The following TGM4 variants were observed in gnomAD, a reference collection of about 807,000 sequenced individuals.
The protein encoded by TGM4 is protein-glutamine gamma-glutamyltransferase 4.
TGM4 carries 61 observed loss-of-function variants against 76.3 expected under a neutral mutation model. The observed-to-expected ratio is 0.80, with a 90% CI of 0.65 to 0.99. The LOEUF (loss-of-function observed/expected upper bound fraction) is 0.99. Ranked by LOEUF, TGM4 falls within the 50% of genes least tolerant of loss-of-function variation. The probability of loss-of-function intolerance (pLI) is 0.00; values close to 1 mark genes in which losing one functional copy is unlikely to be tolerated. For synonymous variants in TGM4, 337 were observed against 329.8 expected (o/e 1.02, Z -0.24); for missense variants, 794 against 843.2 (o/e 0.94, Z 0.72).
At position 44,901,567 on chromosome 3, in the gene TGM4, C is replaced by T; in HGVS notation, c.701C>T (p.Thr234Ile). ...CAGGGCGTGCTCATTGGGAATTGGA[C>T]TGGGGACTACGAAGGTGGCACAGCC... The part of the protein sequence containing the change: ...KGQGVLIGNW[T>I]GDYEGGTAPY... Residue 234 changes from threonine to isoleucine, a missense_variant, in exon 7 of 14, where the codon ACT becomes ATT. By Grantham distance (89) the Thr-to-Ile change is moderately conservative. Coordinates refer to ENST00000296125, the MANE Select transcript of TGM4 (RefSeq NM_003241.4). 2 of 1,613,886 alleles carry T rather than the reference C, an allele frequency of 1.2e-6. No homozygotes were observed. The highest frequency in any genetic ancestry group is 1.7e-6 in the Non-Finnish European group (2 of 1,179,864).
At chr3:44,876,432 G>A (rs1699452816) in intron 1 of TGM4, 1 of 152,344 alleles carries the variant, frequency 6.6e-6, no homozygotes, top group South Asian at 2.1e-4. Context: ...ACTCTAGGAG[G>A]TCAGGACATC....
At chr3:44,909,121 TTCC>T (rs1479751674) in intron 10 of TGM4, among the ~76,000 whole-genome samples, 1 of 152,264 alleles carries the variant, frequency 6.6e-6, no homozygotes. Context: ...TTGCTTTAAA[TTCC>T]TTGAATCATT....
intron 2 of TGM4, among the ~76,000 whole-genome samples, chr3:44,887,098 T>C (rs955404407): frequency 1.3e-5 from 2 of 152,154 alleles, no homozygotes; most frequent in Non-Finnish European, 2.9e-5. Flanking sequence ...GCTAACTCTC[T>C]GGGGACCAGA....
intron 13 of TGM4, among the ~76,000 whole-genome samples, chr3:44,912,127 G>A (rs1211015163): frequency 6.6e-6 from 1 of 152,216 alleles, no homozygotes; most frequent in African/African-American, 2.4e-5. Flanking sequence ...CATCATGCCC[G>A]GCCGAACAGT....
At chr3:44,882,137 A>G (rs1252547039) in intron 1 of TGM4, among the ~76,000 whole-genome samples, 1 of 144,798 alleles carries the variant, frequency 6.9e-6, no homozygotes, top group Admixed American at 7.4e-5. Flanking sequence ...CACAGCTGCA[A>G]TCATAGCTCA....
intron 6 of TGM4, among the ~76,000 whole-genome samples, chr3:44,898,793 C>T (rs572470546): frequency 2.6e-5 from 4 of 152,308 alleles, no homozygotes; most frequent in East Asian, 1.9e-4. Context: ...ATGGGATTAC[C>T]GGGGGCCCTC....
chr3:44,913,540 C>A, intron 13 of TGM4, 44 bp from the exon 14 acceptor site: 1 of 1,588,116 alleles, frequency 6.3e-7, no homozygotes, highest in South Asian at 1.2e-5. Flanking sequence ...CTTCCCATAA[C>A]ATCCTTGGCT....
At position 44,907,209 on chromosome 3, in the gene TGM4, A is replaced by G. The variant is rs1443791061; in HGVS notation, c.1327+9A>G. ...GTACAAGTATCCAGAAGGTGCTAGC[A>G]TCACAGGGCTCCTTCTGACTCAGCC... On this transcript the variant is annotated intron_variant, in intron 10 of 13. Coordinates refer to ENST00000296125, the MANE Select transcript of TGM4 (RefSeq NM_003241.4). The G allele has an allele frequency of 6.2e-7, 1 of 1,612,894 alleles. No homozygotes were observed. Among genetic ancestry groups the G allele is most frequent in the Admixed American group, 1.7e-5 (1 of 59,958 alleles).
chr3:44,901,713 C>G lies in TGM4; in HGVS notation c.832+15C>G. The G allele has an allele frequency of 1.9e-5, 30 of 1,612,892 alleles. No individual in the cohort carries two copies. Among genetic ancestry groups the G allele is most frequent in the Non-Finnish European group, 2.5e-5 (30 of 1,179,058 alleles). The stretch of plus-strand genomic sequence containing the variant: ...CCTGACTACAGGTAAGTGGCAGATC[C>G]AGGGGCTGAGGGGAGAGGTCCCAAG... On this transcript the variant is annotated intron_variant, in intron 7 of 13. Transcript: ENST00000296125.
chr3:44,901,046 C>T (rs1341805492), intron 6 of TGM4: 1 of 158,720 alleles, frequency 6.3e-6, no homozygotes, highest in East Asian at 1.9e-4. Context: ...TGAAACCAAC[C>T]TGGCCAACAT....
Position 44,907,150 on chromosome 3 carries a change from T to G in TGM4, c.1277T>G (p.Val426Gly). Residue 426 changes from valine (V) to glycine (G), a missense_variant, in exon 10 of 14, where the codon GTG becomes GGG. Val to Gly is a moderately radical substitution (Grantham distance 109). Transcript: ENST00000296125. Reference protein sequence around the residue: ...SIGKNISTKAVGQDRRRDITY... With the variant: ...SIGKNISTKAGGQDRRRDITY... ...GGGAAAAACATCAGCACCAAGGCAG[T>G]GGGCCAAGACAGGCGGAGAGATATC... is the stretch of plus-strand genomic sequence containing the variant. The G allele has an allele frequency of 6.2e-7, 1 of 1,613,982 alleles. No homozygotes were observed. The highest frequency in any genetic ancestry group is 8.5e-7 in the Non-Finnish European group (1 of 1,179,988).
chr3:44,878,822 A>G (rs1699487397), intron 1 of TGM4, among the ~76,000 whole-genome samples: 1 of 152,118 alleles, frequency 6.6e-6, no homozygotes, highest in Non-Finnish European at 1.5e-5. Flanking sequence ...GTTCCTAAAT[A>G]AGAGGATTCA....
chr3:44,884,313 T>G (rs1374252917), intron 1 of TGM4, among the ~76,000 whole-genome samples: 3 of 152,112 alleles, frequency 2.0e-5, no homozygotes, highest in African/African-American at 7.2e-5. Flanking sequence ...GGGAATGGTT[T>G]GAATTTTAGA....
chr3:44,884,115 T>C (rs1410116121), intron 1 of TGM4, among the ~76,000 whole-genome samples: 2 of 152,250 alleles, frequency 1.3e-5, no homozygotes, highest in Non-Finnish European at 2.9e-5. Context: ...AGGGTGGGTC[T>C]GGCAGTCTGT....
At chr3:44,886,569 G>A (rs558499308) in intron 2 of TGM4, among the ~76,000 whole-genome samples, 9 of 152,198 alleles carry the variant, frequency 5.9e-5, no homozygotes, top group Non-Finnish European at 8.8e-5. Context: ...GACTGGGACC[G>A]TGCTGTTGCT....
intron 1 of TGM4, among the ~76,000 whole-genome samples, chr3:44,884,676 T>C (rs112698695): frequency 8.8e-4 from 134 of 152,226 alleles, no homozygotes; most frequent in Middle Eastern, 3.4e-3. Context: ...TGGCCTCAGA[T>C]CATGGGAGCT....
intron 1 of TGM4, among the ~76,000 whole-genome samples, chr3:44,875,993 C>T (rs984093123): frequency 5.3e-5 from 8 of 152,192 alleles, no homozygotes; most frequent in Non-Finnish European, 2.9e-5. Context: ...TGGCTTTGGG[C>T]AGGTTACATC....
chr3:44,876,085 G>T (rs1375952606), intron 1 of TGM4, among the ~76,000 whole-genome samples: 3 of 152,192 alleles, frequency 2.0e-5, no homozygotes, highest in African/African-American at 7.2e-5. Flanking sequence ...TTTTCAAGAG[G>T]TGTGACCTGT....
chr3:44,884,499 G>C (rs1240158133), intron 1 of TGM4, among the ~76,000 whole-genome samples: 1 of 151,660 alleles, frequency 6.6e-6, no homozygotes, highest in Non-Finnish European at 1.5e-5. Context: ...TGTTTTTTTT[G>C]GGGGGGATGG....
Sources: gnomAD v4.1 joint callset for allele counts (sites outside exome capture counted in the v4.1 genomes callset) on GRCh38, gnomAD v4.1.1 for gene constraint, MANE v1.5 for transcripts, NCBI Gene and HGNC (gene_info 2026-07-23, HGNC 2026-07-21) for gene names.